ZHX3: variants seen among roughly 807,000 people sequenced by gnomAD.
ZHX3 encodes the protein zinc fingers and homeoboxes 3.
In ZHX3, 20 loss-of-function variants were observed where a neutral mutation model predicts 64.5. The ratio of observed to expected loss-of-function variants is 0.31; its 90% CI spans 0.22 to 0.45. ZHX3 has a LOEUF of 0.45. Among genes scored for constraint, ZHX3 ranks in the 20% least tolerant of loss-of-function variants. ZHX3 has a pLI of 1.00. For missense variants in ZHX3, 1,041 were observed against 1,195.8 expected (o/e 0.87, Z 1.91); for synonymous variants, 423 against 461.6 (o/e 0.92, Z 1.07).
Position 41,184,874 on chromosome 20 carries a change from G to C in ZHX3, c.*317C>G. 2 of 1,502,000 alleles carry C rather than the reference G, an allele frequency of 1.3e-6. No individual in the cohort carries two copies. The highest frequency in any genetic ancestry group is 1.7e-4 in the Middle Eastern group (1 of 5,824). The allele number at this position is 1,502,000 out of a possible 1,614,324, so 93.0% of individuals were successfully genotyped here. On this transcript the variant is annotated 3_prime_UTR_variant, in exon 4 of 4. Coordinates refer to ENST00000683867, the MANE Select transcript of ZHX3 (RefSeq NM_001384317.1). ...TTAACATATAGAGGTGGATGTATAT[G>C]TTAAAAGCTTGATTCTGTGTCTATG...
chr20:41,240,760 CAA>C lies in ZHX3; in HGVS notation c.-151+28228_-151+28229del, dbSNP rs1187642471. On this transcript the variant is annotated intron_variant, in intron 2 of 3. Transcript: ENST00000683867. ...GCTCCAACAAATAACTGAGAACATGCAAAGTTTGTCTTTCTGCTCCTGGCTTA... is the reference window on the plus strand; with the variant it reads ...GCTCCAACAAATAACTGAGAACATGCAGTTTGTCTTTCTGCTCCTGGCTTA... Among the ~76,000 whole-genome samples the C allele has an allele frequency of 8.5e-5, 13 of 152,276 alleles. No homozygotes were observed. The South Asian group carries it at 1.2e-3, about 15-fold the overall frequency.
chr20:41,302,142 C>T (rs2044842966), intron 1 of ZHX3, among the ~76,000 whole-genome samples: 1 of 146,454 alleles, frequency 6.8e-6, no homozygotes. Flanking sequence ...CTCAAATCAA[C>T]TTCTTCAGAG....
intron 1 of ZHX3, among the ~76,000 whole-genome samples, chr20:41,276,232 C>A (rs1169974485): frequency 6.6e-6 from 1 of 150,956 alleles, no homozygotes; most frequent in African/African-American, 2.5e-5. Context: ...GTCCCCCAAC[C>A]CCACCCTTAA....
At chr20:41,291,042 G>T (rs1250229964) in intron 1 of ZHX3, among the ~76,000 whole-genome samples, 1 of 152,188 alleles carries the variant, frequency 6.6e-6, no homozygotes, top group Admixed American at 6.5e-5. Context: ...CACTGAAAGG[G>T]AAGTAAATAT....
At chr20:41,287,553 T>C (rs2043999897) in intron 1 of ZHX3, among the ~76,000 whole-genome samples, 1 of 152,186 alleles carries the variant, frequency 6.6e-6, no homozygotes, top group South Asian at 2.1e-4. Flanking sequence ...ATAAAGACCA[T>C]GACTTCCATC....
At position 41,294,885 on chromosome 20, in the gene ZHX3, T is replaced by G. The variant is rs761005291; in HGVS notation, c.-245+22624A>C. Among the ~76,000 whole-genome samples the G allele has an allele frequency of 2.0e-5, 3 of 151,886 alleles. No individual in the cohort carries two copies. In the East Asian group the frequency reaches 5.8e-4, roughly 29 times the overall value. ...TAATTTTTATATTTTTTGGTAGAGA[T>G]AGGTTTTCAACATGTTGGCCAGACT... On this transcript the variant is annotated intron_variant, in intron 1 of 3. Transcript: ENST00000683867.
Position 41,204,937 on chromosome 20 carries a change from C to A in ZHX3, c.-21G>T. ...GCCATGGTGACAATCACTGGGTGATCAGCAGTTGAGAGCTTGTCCCATAAG... is the reference window on the plus strand; with the variant it reads ...GCCATGGTGACAATCACTGGGTGATAAGCAGTTGAGAGCTTGTCCCATAAG... On this transcript the variant is annotated 5_prime_UTR_variant, in exon 3 of 4. It removes the in-frame stop codon of an upstream open reading frame in the 5' UTR. Coordinates refer to ENST00000683867, the MANE Select transcript of ZHX3 (RefSeq NM_001384317.1). This position sits in a 1 kb window ranked among gnomAD's most constrained non-coding sequence, Gnocchi z 6.6. The A allele has an allele frequency of 1.3e-6, 2 of 1,521,224 alleles. No homozygotes were observed. The highest frequency in any genetic ancestry group is 2.7e-5 in the South Asian group (2 of 75,332). The allele number at this position is 1,521,224 out of a possible 1,614,324, so 94.2% of individuals were successfully genotyped here.
At chr20:41,311,943 C>T (rs2045149334) in intron 1 of ZHX3, among the ~76,000 whole-genome samples, 1 of 152,218 alleles carries the variant, frequency 6.6e-6, no homozygotes, top group African/African-American at 2.4e-5. Context: ...GGTGCTAGGA[C>T]TGTACCATAT....
At chr20:41,270,458 G>A (rs1044992762) in intron 1 of ZHX3, among the ~76,000 whole-genome samples, 7 of 151,402 alleles carry the variant, frequency 4.6e-5, no homozygotes, top group East Asian at 1.9e-4. Flanking sequence ...GGCAAATCAC[G>A]AGGTCAGGAG....
chr20:41,217,416 A>C (rs924072679), intron 2 of ZHX3, among the ~76,000 whole-genome samples: 3 of 152,204 alleles, frequency 2.0e-5, no homozygotes, highest in Non-Finnish European at 4.4e-5. Context: ...ATAATTAAAA[A>C]AAAATTAAAA....
At chr20:41,313,461 CA>C (rs2045200550) in intron 1 of ZHX3, among the ~76,000 whole-genome samples, 1 of 151,994 alleles carries the variant, frequency 6.6e-6, no homozygotes, top group Non-Finnish European at 1.5e-5. Context: ...AAGAAATAAT[CA>C]AAAATCACGT....
rs147443777 is a variant in ZHX3, at chr20:41,238,503, CT to C, written c.-151+30486del. 3.6e-3 allele frequency among the ~76,000 whole-genome samples: 545 copies of C among 152,218 alleles called. 5 individuals are homozygous for C. The highest frequency in any genetic ancestry group is 0.013 in the African/African-American group (521 of 41,558). ...AGCTTCTTCCTCAAGTCAAAAATTT[CT>C]GCAAAAAACAACATCTTTTTGGACA... On this transcript the variant is annotated intron_variant, in intron 2 of 3. Transcript: ENST00000683867.
In ZHX3 at chr20:41,185,271, T is replaced by C. The variant is rs2036426034; in HGVS notation, c.2861-70A>G. 6.6e-7 allele frequency: 1 copy of C among 1,520,460 alleles called. No individual in the cohort carries two copies. The highest frequency in any genetic ancestry group is 1.4e-5 in the African/African-American group (1 of 73,058). 94.2% of individuals were successfully genotyped at this position (1,520,460 alleles called of 1,614,324 possible). A position where few individuals can be genotyped will look rare whatever the true frequency, so the allele number is the denominator to read the frequency against. The stretch of plus-strand genomic sequence containing the variant: ...ACCTGCCCCCCAGGCAGCCTGGTCC[T>C]TGCTATACCAGGGTGGCATCACTGG... On this transcript the variant is annotated intron_variant, in intron 3 of 3. Coordinates refer to ENST00000683867, the MANE Select transcript of ZHX3 (RefSeq NM_001384317.1). The surrounding 1 kb of genome is among the most constrained non-coding windows in gnomAD (Gnocchi z 5.0).
At position 41,304,762 on chromosome 20, in the gene ZHX3, G is replaced by A. The variant is rs887071505; in HGVS notation, c.-245+12747C>T. On this transcript the variant is annotated intron_variant, in intron 1 of 3. Transcript: ENST00000683867. Reference sequence around the variant, plus strand: ...ACTCCCCTACTCGAACAAGTACCCAGGAGACAGGTACTCTCCTCTATATCC... The same window carrying A: ...ACTCCCCTACTCGAACAAGTACCCAAGAGACAGGTACTCTCCTCTATATCC... 1.1e-4 allele frequency among the ~76,000 whole-genome samples: 17 copies of A among 152,318 alleles called. No individual in the cohort carries two copies. The East Asian group carries it at 2.9e-3, about 26-fold the overall frequency.
Position 41,234,259 on chromosome 20 carries a change from C to T in ZHX3, c.-150-29193G>A, listed in dbSNP as rs527787863. On this transcript the variant is annotated intron_variant, in intron 2 of 3. Transcript: ENST00000683867. ...CAAGAGTTCTACCTTTTTATTACTA[C>T]GCCTCTGACACTCAGCACATATGAA... Among the ~76,000 whole-genome samples the T allele has an allele frequency of 6.4e-4, 98 of 152,300 alleles. 1 individual carries two copies. The highest frequency in any genetic ancestry group is 4.8e-3 in the South Asian group (23 of 4,824).
chr20:41,229,423 T>C (rs1323756420), intron 2 of ZHX3, among the ~76,000 whole-genome samples: 4 of 152,126 alleles, frequency 2.6e-5, no homozygotes, highest in Non-Finnish European at 5.9e-5. Flanking sequence ...TACCCAGAAG[T>C]GGAATTGCTT....
intron 2 of ZHX3, among the ~76,000 whole-genome samples, chr20:41,268,021 G>C (rs1005955861): frequency 7.9e-5 from 12 of 152,338 alleles, no homozygotes; most frequent in Non-Finnish European, 1.8e-4. Context: ...GATTACGCCT[G>C]CAGCAATCCA....
At chr20:41,273,327 C>T (rs551586262) in intron 1 of ZHX3, among the ~76,000 whole-genome samples, 1 of 152,140 alleles carries the variant, frequency 6.6e-6, no homozygotes. Flanking sequence ...TGCCTTTCCA[C>T]TTACTTGATA....
rs997557468 is a variant in ZHX3, at chr20:41,217,955, C to A, written c.-150-12889G>T. ...TGACATTTTTTTCTTACAGAGGGTT[C>A]GAAGATTTTACAACCTGAACTATTC... On this transcript the variant is annotated intron_variant, in intron 2 of 3. Transcript: ENST00000683867. Among the ~76,000 whole-genome samples the A allele has an allele frequency of 2.6e-5, 4 of 152,132 alleles. No homozygotes were observed. The South Asian group carries it at 8.3e-4, about 32-fold the overall frequency.
Sources: gnomAD v4.1 joint callset for allele counts (sites outside exome capture counted in the v4.1 genomes callset) on GRCh38, gnomAD v4.1.1 for gene constraint, Gnocchi (gnomAD v3.1) non-coding constraint, MANE v1.5 for transcripts, NCBI Gene and HGNC (gene_info 2026-07-23, HGNC 2026-07-21) for gene names.